The following ELSPBP1 variants were observed in gnomAD, a reference collection of about 807,000 sequenced individuals.
ELSPBP1 encodes the protein epididymal sperm binding protein 1.
In ELSPBP1, 38 loss-of-function variants were observed where a neutral mutation model predicts 33.3. The ratio of observed to expected loss-of-function variants is 1.14; its 90% confidence interval spans 0.88 to 1.50. The LOEUF is 1.50. Among genes scored for constraint, ELSPBP1 ranks in the 40% most tolerant of loss-of-function variants. The pLI, the probability that ELSPBP1 is intolerant of heterozygous loss-of-function variation, is 0.00. For missense variants in ELSPBP1, 267 were observed against 263.5 expected, an observed-to-expected ratio of 1.01 and a Z score of -0.09; for synonymous variants, 85 against 94.1, an observed-to-expected ratio of 0.90 and a Z score of 0.56.
At chr19:48,002,816 G>A (rs539334365) in intron 1 of ELSPBP1, among the ~76,000 whole-genome samples, 43 of 152,260 alleles carry the variant, frequency 2.8e-4, no homozygotes, top group African/African-American at 9.1e-4. Flanking sequence ...ATTCTGGCTT[G>A]TATGCTGTCT....
chr19:48,022,518 C>T (rs1029150744), intron 6 of ELSPBP1, 184 bp downstream of exon 6: 31 of 463,272 alleles, frequency 6.7e-5, no homozygotes, highest in South Asian at 1.1e-4. Flanking sequence ...CCCAGCAATG[C>T]GGGCTCCTGT....
rs778400173 is a variant in ELSPBP1 at position 48,022,376 on chromosome 19, G to A, written c.*7+42G>A. Reference sequence around the variant, plus strand: ...ACAGTGGTCATTTCACGGATGCAGAGGTGAGACAGGTGCACAACTGGTGTG... The same window carrying A: ...ACAGTGGTCATTTCACGGATGCAGAAGTGAGACAGGTGCACAACTGGTGTG... On this transcript the variant is annotated intron_variant, in intron 6 of 6. Coordinates refer to ENST00000339841, the MANE Select transcript of ELSPBP1 (RefSeq NM_022142.5). 4 of 1,534,070 alleles carry A rather than the reference G, an allele frequency of 2.6e-6. No individual in the cohort carries two copies. In the East Asian group the frequency reaches 7.0e-5, roughly 27 times the overall value.
chr19:48,002,955 A>G (rs555014717), intron 1 of ELSPBP1, among the ~76,000 whole-genome samples: 30 of 152,156 alleles, frequency 2.0e-4, no homozygotes, highest in African/African-American at 6.7e-4. Context: ...GATTGGAAAA[A>G]CTATCCCCAT....
At chr19:48,002,053 C>T (rs577707501) in intron 1 of ELSPBP1, among the ~76,000 whole-genome samples, 5 of 152,182 alleles carry the variant, frequency 3.3e-5, no homozygotes, top group African/African-American at 7.2e-5. Context: ...GGAATTAGGA[C>T]GTGGACAGAT....
intron 2 of ELSPBP1, among the ~76,000 whole-genome samples, chr19:48,009,967 T>TGGAG (rs1240360902): frequency 6.6e-6 from 1 of 152,138 alleles, no homozygotes; most frequent in African/African-American, 2.4e-5. Flanking sequence ...CAAGAGAGTC[T>TGGAG]GGAGGACCTT....
chr19:48,024,343 T>C (rs1819402395), intron 6 of ELSPBP1, among the ~76,000 whole-genome samples: 1 of 152,078 alleles, frequency 6.6e-6, no homozygotes, highest in Non-Finnish European at 1.5e-5. Flanking sequence ...CCCGCATGGA[T>C]CAACTGACCT....
At position 48,022,316 on chromosome 19, in the gene ELSPBP1, G is replaced by T. The variant is rs775221571; in HGVS notation, c.661G>T (p.Val221Leu). ...SYNYDQDHTW[V>L]YC ...CAACTACGACCAAGACCACACCTGG[G>T]TGTATTGCTGATGCTGAGGTGAGAG... The change falls in exon 6 of 7, where the codon GTG becomes TTG. Residue 221 changes from valine (V) to leucine (L), a missense_variant. Coordinates refer to ENST00000339841, the MANE Select transcript of ELSPBP1 (RefSeq NM_022142.5). 6.2e-7 allele frequency: 1 copy of T among 1,610,888 alleles called. No individual in the cohort carries two copies. The highest frequency in any genetic ancestry group is 1.7e-5 in the Admixed American group (1 of 59,554).
At chr19:48,004,503 CT>C in intron 1 of ELSPBP1, among the ~76,000 whole-genome samples, 1 of 152,246 alleles carries the variant, frequency 6.6e-6, no homozygotes, top group Non-Finnish European at 1.5e-5. Context: ...GCACATCTAG[CT>C]TTTTCCATCT....
At chr19:48,019,656 C>A in intron 4 of ELSPBP1, 63 bp from the exon 5 acceptor site, 1 of 1,526,198 alleles carries the variant, frequency 6.6e-7, no homozygotes, top group Non-Finnish European at 8.9e-7. Flanking sequence ...GTTTGTGTGT[C>A]ATAAATGGAA....
Position 48,008,664 on chromosome 19 carries a change from C to T in ELSPBP1, c.-4C>T. The T allele has an allele frequency of 6.2e-7, 1 of 1,613,566 alleles. No homozygotes were observed. Among genetic ancestry groups the T allele is most frequent in the Non-Finnish European group, 8.5e-7 (1 of 1,179,774 alleles). The stretch of plus-strand genomic sequence containing the variant: ...TCTTTTCCACAGAGAAGAGGGCAGC[C>T]AAGATGACCCGATGGTCCAGTTACC... On this transcript the variant is annotated 5_prime_UTR_variant, in exon 2 of 7. Coordinates refer to ENST00000339841, the MANE Select transcript of ELSPBP1 (RefSeq NM_022142.5).
chr19:48,000,740 G>T (rs555157129), intron 1 of ELSPBP1, among the ~76,000 whole-genome samples: 1 of 152,174 alleles, frequency 6.6e-6, no homozygotes, highest in African/African-American at 2.4e-5. Context: ...CACACAGCTG[G>T]CTTGAGAGGG....
intron 2 of ELSPBP1, among the ~76,000 whole-genome samples, chr19:48,009,967 T>C (rs76252950): frequency 0.022 from 3,367 of 152,250 alleles, 112 homozygotes; most frequent in African/African-American, 0.074. Context: ...CAAGAGAGTC[T>C]GGAGGACCTT....
chr19:47,997,736 C>T (rs1479102406), intron 1 of ELSPBP1, among the ~76,000 whole-genome samples: 2 of 152,078 alleles, frequency 1.3e-5, no homozygotes, highest in Non-Finnish European at 2.9e-5. Flanking sequence ...TACATGCAGA[C>T]AGTAATGATC....
Position 48,011,771 on chromosome 19 carries a change from T to C in ELSPBP1, c.71-2400T>C, listed in dbSNP as rs532101310. On this transcript the variant is annotated intron_variant, in intron 2 of 6. Transcript: ENST00000339841. This position sits in a 1 kb window ranked among gnomAD's most constrained non-coding sequence, Gnocchi z 4.5. ...GCGTGGAGAATGATGATGATGACAGTGATGGTAATGATGATGATGATGACA... is the reference window on the plus strand; with the variant it reads ...GCGTGGAGAATGATGATGATGACAGCGATGGTAATGATGATGATGATGACA... Among the ~76,000 whole-genome samples the C allele has an allele frequency of 7.6e-4, 116 of 152,108 alleles. No individual in the cohort carries two copies. The highest frequency in any genetic ancestry group is 2.5e-3 in the African/African-American group (103 of 41,494).
intron 1 of ELSPBP1, among the ~76,000 whole-genome samples, chr19:47,996,183 A>T (rs1966910260): frequency 6.6e-6 from 1 of 152,202 alleles, no homozygotes. Context: ...GAAAGGAAGG[A>T]TGGGTGGATA....
At chr19:48,004,977 G>A (rs1319411223) in intron 1 of ELSPBP1, among the ~76,000 whole-genome samples, 1 of 152,160 alleles carries the variant, frequency 6.6e-6, no homozygotes, top group Admixed American at 6.5e-5. Context: ...CAGGAGGATG[G>A]CTTGGGCTCA....
At chr19:48,007,482 T>C in intron 1 of ELSPBP1, among the ~76,000 whole-genome samples, 1 of 152,138 alleles carries the variant, frequency 6.6e-6, no homozygotes, top group East Asian at 1.9e-4. Context: ...CAGTCAATAA[T>C]TGGGAGCCAG....
intron 1 of ELSPBP1, among the ~76,000 whole-genome samples, chr19:48,005,234 CA>C (rs1967006219): frequency 6.6e-6 from 1 of 151,078 alleles, no homozygotes; most frequent in Non-Finnish European, 1.5e-5. Flanking sequence ...AAGAAAAAAA[CA>C]AAAAGAGAAA....
Position 48,011,230 on chromosome 19 carries a change from TTGATGA to T in ELSPBP1, c.70+2503_70+2508del, listed in dbSNP as rs138853548. Among the ~76,000 whole-genome samples the T allele has an allele frequency of 6.7e-6, 1 of 149,036 alleles. No individual in the cohort carries two copies. Among genetic ancestry groups the T allele is most frequent in the Admixed American group, 6.7e-5 (1 of 14,950 alleles). On this transcript the variant is annotated intron_variant, in intron 2 of 6. Transcript: ENST00000339841. The surrounding 1 kb of genome is among the most constrained non-coding windows in gnomAD (Gnocchi z 4.5). ...GATGATGAGAATGACAATAATGGGGTTGATGATGATGATGACAATGATTGATAATGA... is the reference window on the plus strand; with the variant it reads ...GATGATGAGAATGACAATAATGGGGTTGATGATGACAATGATTGATAATGA...
Sources: allele counts gnomAD v4.1 joint callset (sites outside exome capture counted in the v4.1 genomes callset), GRCh38; gene constraint gnomAD v4.1.1; non-coding constraint Gnocchi (gnomAD v3.1); transcripts MANE v1.5; gene names NCBI Gene and HGNC (gene_info 2026-07-23, HGNC 2026-07-21).